CWF19L2: variants seen among roughly 807,000 people sequenced by gnomAD.
The protein encoded by CWF19L2 is CWF19-like protein 2.
Under a neutral mutation model 111.7 loss-of-function variants are expected in CWF19L2, and 98 were observed. The observed-to-expected ratio is 0.88, with a 90% CI of 0.75 to 1.04. The LOEUF (loss-of-function observed/expected upper bound fraction) is 1.04, where lower values mean the gene tolerates loss of function less well. Ranked by LOEUF, CWF19L2 falls within the 50% of genes least tolerant of loss-of-function variation. The probability of loss-of-function intolerance (pLI) is 0.00; values close to 1 mark genes in which losing one functional copy is unlikely to be tolerated. For synonymous variants in CWF19L2, 351 were observed against 342.9 expected (o/e 1.02, Z -0.26); for missense variants, 1,101 against 1,051.4 (o/e 1.05, Z -0.65).
At chr11:107,441,179 G>C (rs1172544900) in intron 5 of CWF19L2, among the ~76,000 whole-genome samples, 1 of 152,032 alleles carries the variant, frequency 6.6e-6, no homozygotes, top group Non-Finnish European at 1.5e-5. Context: ...TCTTGAAATG[G>C]AAGTATTTTC....
At chr11:107,415,877 CATTTGAGGTCAGGA>C (rs1276967137) in intron 10 of CWF19L2, among the ~76,000 whole-genome samples, 1 of 152,026 alleles carries the variant, frequency 6.6e-6, no homozygotes, top group East Asian at 1.9e-4. Context: ...GCGGGTGGAT[CATTTGAGGTCAGGA>C]GTTTGAGACC....
intron 12 of CWF19L2, among the ~76,000 whole-genome samples, chr11:107,382,416 G>T (rs1333318765): frequency 6.6e-6 from 1 of 152,144 alleles, no homozygotes. Context: ...TTAGCCTTGC[G>T]TTAAGTCATT....
intron 10 of CWF19L2, among the ~76,000 whole-genome samples, chr11:107,412,344 GT>G (rs1415821946): frequency 1.3e-5 from 2 of 152,186 alleles, no homozygotes; most frequent in East Asian, 1.9e-4. Context: ...AGTTTTTTGG[GT>G]TTTTTTGTTT....
At chr11:107,334,289 G>A (rs1358894404) in intron 16 of CWF19L2, among the ~76,000 whole-genome samples, 7 of 152,084 alleles carry the variant, frequency 4.6e-5, no homozygotes, top group Non-Finnish European at 1.0e-4. Flanking sequence ...CTAGAAAAGA[G>A]AAAAAATCAT....
intron 17 of CWF19L2, among the ~76,000 whole-genome samples, chr11:107,327,820 A>G (rs566485747): frequency 6.6e-6 from 1 of 152,264 alleles, no homozygotes; most frequent in South Asian, 2.1e-4. Context: ...AAAACAAAAA[A>G]CAAAACAACA....
intron 10 of CWF19L2, among the ~76,000 whole-genome samples, chr11:107,402,902 T>TAA (rs1555023410): frequency 3.9e-5 from 5 of 126,616 alleles, no homozygotes; most frequent in African/African-American, 1.3e-4. Flanking sequence ...TATATATATA[T>TAA]AATGGAATAC....
At chr11:107,457,297 A>G (rs968861600) in intron 1 of CWF19L2, among the ~76,000 whole-genome samples, 10 of 152,212 alleles carry the variant, frequency 6.6e-5, no homozygotes, top group African/African-American at 2.4e-4. Flanking sequence ...AACTGAGTCT[A>G]TTCAAGTGTG....
chr11:107,451,847 T>C (rs11212247), intron 3 of CWF19L2, among the ~76,000 whole-genome samples: 4,036 of 152,242 alleles, frequency 0.027, 191 homozygotes, highest in African/African-American at 0.091. Flanking sequence ...TTAACACTTA[T>C]AGATGCAAAA....
At chr11:107,440,576 C>T (rs1226514490) in intron 5 of CWF19L2, among the ~76,000 whole-genome samples, 2 of 152,184 alleles carry the variant, frequency 1.3e-5, no homozygotes, top group East Asian at 3.9e-4. Flanking sequence ...AAAATATACA[C>T]ATAAGATACT....
At chr11:107,457,330 G>T (rs1015942287) in intron 1 of CWF19L2, among the ~76,000 whole-genome samples, 1 of 152,264 alleles carries the variant, frequency 6.6e-6, no homozygotes. Flanking sequence ...TTCCGAAAAA[G>T]GAAAATCTCA....
At position 107,334,961 on chromosome 11, in the gene CWF19L2, T is replaced by C; in HGVS notation, c.2359A>G (p.Lys787Glu). ...TCTTCATCAGATTCCATTATGGCTT[T>C]CTAAGAAATATCCATTTGTTAAGTG... ...VGDMAPIYFK[K>E]AIMESDEEWS... The change falls in exon 16 of 18, where the codon AAA becomes GAA. Residue 787 changes from lysine to glutamate, a missense_variant and splice_region_variant. Physicochemically the swap from Lys to Glu is moderately conservative, Grantham distance 56. Coordinates refer to ENST00000282251, the MANE Select transcript of CWF19L2 (RefSeq NM_152434.3). 1.3e-6 allele frequency: 2 copies of C among 1,583,682 alleles called. No individual in the cohort carries two copies. Among genetic ancestry groups the C allele is most frequent in the Non-Finnish European group, 1.7e-6 (2 of 1,153,856 alleles).
intron 12 of CWF19L2, among the ~76,000 whole-genome samples, chr11:107,383,738 TA>T (rs1049318019): frequency 2.0e-5 from 3 of 151,948 alleles, no homozygotes; most frequent in African/African-American, 7.3e-5. Context: ...GAATGGGCAA[TA>T]AAAATTAAAT....
In CWF19L2 at chr11:107,444,096, C is replaced by CTT. The variant is rs35888473; in HGVS notation, c.340-1049_340-1048dup. ...GAAACAATTTCAAGCATTTCCCACC[C>CTT]TTTTTTTTTTTTTTTTAAGGAGGGA... On this transcript the variant is annotated intron_variant, in intron 3 of 17. Transcript: ENST00000282251. Among the ~76,000 whole-genome samples the CTT allele has an allele frequency of 3.0e-3, 426 of 142,148 alleles. 3 individuals carry two copies. The highest frequency in any genetic ancestry group is 9.3e-3 in the African/African-American group (359 of 38,516). 93.3% of individuals were successfully genotyped at this position (142,148 alleles called of 152,430 possible).
Position 107,390,168 on chromosome 11 carries a change from T to A in CWF19L2, c.1778A>T (p.Asp593Val). The A allele has an allele frequency of 6.2e-7, 1 of 1,611,274 alleles. No homozygotes were observed. The highest frequency in any genetic ancestry group is 1.1e-5 in the South Asian group (1 of 90,862). The change falls in exon 12 of 18, where the codon GAT becomes GTT. Residue 593 changes from aspartate (D) to valine (V), a missense_variant. Physicochemically the swap from Asp to Val is radical, Grantham distance 152. Transcript: ENST00000282251. Reference sequence around the variant, plus strand: ...ATCATTTAGGCTTAGATTATCATCATCATGAAAGTATCTGACCCTTTCTCT... The same window carrying A: ...ATCATTTAGGCTTAGATTATCATCAACATGAAAGTATCTGACCCTTTCTCT... ...EERERVRYFH[D>V]DDNLSLNDLV... is the part of the protein sequence containing the mutation.
intron 16 of CWF19L2, among the ~76,000 whole-genome samples, chr11:107,331,554 A>G (rs1265340268): frequency 2.0e-5 from 3 of 152,212 alleles, no homozygotes; most frequent in African/African-American, 7.2e-5. Flanking sequence ...AGAAAAGGCA[A>G]AGGAATGGAT....
At chr11:107,330,547 A>T (rs892924739) in intron 16 of CWF19L2, among the ~76,000 whole-genome samples, 3 of 151,710 alleles carry the variant, frequency 2.0e-5, no homozygotes, top group African/African-American at 7.3e-5. Context: ...TTATTTCAAA[A>T]TATCTCCAGG....
At position 107,429,404 on chromosome 11, in the gene CWF19L2, T is replaced by G; in HGVS notation, c.828A>C (p.Ala276=). 1.3e-6 allele frequency: 2 copies of G among 1,573,740 alleles called. No individual in the cohort carries two copies. Among genetic ancestry groups the G allele is most frequent in the Non-Finnish European group, 1.7e-6 (2 of 1,159,614 alleles). The part of the protein sequence containing the change: ...QSKLEDAEKA[A]STKEDYRRER... ...CCCGTCTATAATCTTCTTTCGTGGATGCAGCTTTTTCAGCATCTTCTAATT... is the reference window on the plus strand; with the variant it reads ...CCCGTCTATAATCTTCTTTCGTGGAGGCAGCTTTTTCAGCATCTTCTAATT... Residue 276 remains alanine (A), a synonymous_variant, in exon 8 of 18, where the codon GCA becomes GCC. Coordinates refer to ENST00000282251, the MANE Select transcript of CWF19L2 (RefSeq NM_152434.3).
At position 107,443,934 on chromosome 11, in the gene CWF19L2, T is replaced by C. The variant is rs115446158; in HGVS notation, c.340-885A>G. The stretch of plus-strand genomic sequence containing the variant: ...AAAACATTTATGGCTGTGCCTATCC[T>C]TATTTCCAGTTAACTCCTCCTATTT... On this transcript the variant is annotated intron_variant, in intron 3 of 17. Transcript: ENST00000282251. Among the ~76,000 whole-genome samples the C allele has an allele frequency of 3.1e-3, 472 of 152,288 alleles. 1 individual carries two copies. Among genetic ancestry groups the C allele is most frequent in the African/African-American group, 0.011 (455 of 41,558 alleles).
rs1202334560 is a variant in CWF19L2, at chr11:107,439,120, C to G, written c.634G>C (p.Glu212Gln). Residue 212 changes from glutamate (E) to glutamine (Q), a missense_variant, in exon 6 of 18, where the codon GAA becomes CAA. Physicochemically the swap from Glu to Gln is conservative, Grantham distance 29. Transcript: ENST00000282251. Reference sequence around the variant, plus strand: ...GTAATCGATGACACACTACAGTCTTCAGGTGGAAGACCTGTCCCACCATCC... The same window carrying G: ...GTAATCGATGACACACTACAGTCTTGAGGTGGAAGACCTGTCCCACCATCC... ...WKDGGTGLPP[E>Q]DCSVSSITKV... The G allele has an allele frequency of 1.3e-6, 2 of 1,594,026 alleles. No individual in the cohort carries two copies. The highest frequency in any genetic ancestry group is 1.4e-5 in the African/African-American group (1 of 74,040).
Sources: gnomAD v4.1 joint callset for allele counts (sites outside exome capture counted in the v4.1 genomes callset) on GRCh38, gnomAD v4.1.1 for gene constraint, MANE v1.5 for transcripts, NCBI Gene and HGNC (gene_info 2026-07-23, HGNC 2026-07-21) for gene names.